Variants in OPA1 observed in about 807,000 individuals in gnomAD.
The protein encoded by OPA1 is OPA1 mitochondrial dynamin like GTPase.
Under a neutral mutation model 152.9 loss-of-function variants are expected in OPA1, and 59 were observed. That is an observed-to-expected ratio of 0.39 (90% CI 0.31 to 0.48). The LOEUF is 0.48. Ranked by LOEUF, OPA1 falls within the 20% of genes least tolerant of loss-of-function variation. The pLI, the probability that OPA1 is intolerant of heterozygous loss-of-function variation, is 0.96. For missense variants in OPA1, 1,008 were observed against 1,216.8 expected, an observed-to-expected ratio of 0.83 and a Z score of 2.55; for synonymous variants, 400 against 389.9, an observed-to-expected ratio of 1.03 and a Z score of -0.31.
intron 29 of OPA1, among the ~76,000 whole-genome samples, chr3:193,676,373 T>G (rs1362183909): frequency 3.9e-5 from 6 of 152,208 alleles, no homozygotes; most frequent in African/African-American, 1.4e-4. Flanking sequence ...ATTTTTTTTA[T>G]AGTAAGGCAG....
At chr3:193,692,249 A>G (rs924859781) in intron 30 of OPA1, 117 bp downstream of exon 30, 11 of 674,484 alleles carry the variant, frequency 1.6e-5, no homozygotes, top group Non-Finnish European at 2.2e-5. Flanking sequence ...TGTAATTTCA[A>G]TGGCATGAAT....
rs376125654 is a variant in OPA1, at chr3:193,617,297, G to T, written c.556+12G>T. The T allele has an allele frequency of 1.2e-5, 18 of 1,492,724 alleles. No individual in the cohort carries two copies. The highest frequency in any genetic ancestry group is 1.7e-5 in the Non-Finnish European group (18 of 1,070,706). 92.5% of individuals were successfully genotyped at this position (1,492,724 alleles called of 1,614,324 possible). On this transcript the variant is annotated intron_variant, in intron 4 of 30. Transcript: ENST00000361510. The stretch of plus-strand genomic sequence containing the variant: ...CTTTTTTACCTCAGGTAAGGAAGAA[G>T]CTGTTTGATCTAATTTAAAAATTTA...
chr3:193,672,034 A>G (rs1450030500), intron 29 of OPA1, among the ~76,000 whole-genome samples: 2 of 152,218 alleles, frequency 1.3e-5, no homozygotes, highest in African/African-American at 4.8e-5. Flanking sequence ...TTCAGTTTCA[A>G]AGGATTTTTT....
chr3:193,648,083 C>T lies in OPA1; in HGVS notation c.1884C>T (p.Asn628=). Reference sequence around the variant, plus strand: ...CTTCTTCCTCAGCAACACGTTTTAACCTTGAAACTGAATGGAAGAATAACT... The same window carrying T: ...CTTCTTCCTCAGCAACACGTTTTAATCTTGAAACTGAATGGAAGAATAACT... ...QADSFKATRF[N]LETEWKNNYP... is the part of the protein sequence containing the mutation. The change falls in exon 20 of 31, where the codon AAC becomes AAT. Residue 628 remains asparagine (N), a synonymous_variant. Transcript: ENST00000361510. 2 of 1,613,354 alleles carry T rather than the reference C, an allele frequency of 1.2e-6. No individual in the cohort carries two copies. The highest frequency in any genetic ancestry group is 1.7e-6 in the Non-Finnish European group (2 of 1,179,352).
chr3:193,651,025 A>C (rs556774592), intron 21 of OPA1, among the ~76,000 whole-genome samples: 2 of 152,208 alleles, frequency 1.3e-5, no homozygotes, highest in Non-Finnish European at 2.9e-5. Flanking sequence ...AAGGGCCACG[A>C]GATGAGAACA....
At chr3:193,620,516 T>C (rs1219399415) in intron 6 of OPA1, among the ~76,000 whole-genome samples, 2 of 152,234 alleles carry the variant, frequency 1.3e-5, no homozygotes, top group Admixed American at 1.3e-4. Context: ...ATTTACTCTT[T>C]GCTTGTTTTG....
intron 29 of OPA1, among the ~76,000 whole-genome samples, chr3:193,673,802 G>A (rs1170178496): frequency 6.6e-6 from 1 of 152,232 alleles, no homozygotes; most frequent in African/African-American, 2.4e-5. Context: ...CCAATAAAAT[G>A]TGAAAACAGT....
In OPA1 at chr3:193,594,302, A is replaced by G. The variant is rs545765666; in HGVS notation, c.32+893A>G. On this transcript the variant is annotated intron_variant, in intron 1 of 30. Coordinates refer to ENST00000361510, the MANE Select transcript of OPA1 (RefSeq NM_130837.3). ...CGTGGTTTTCCTGAATTAACTTCTA[A>G]GCAGTTGTTTTGAATTTTTTCCAGA... is the stretch of plus-strand genomic sequence containing the variant. Among the ~76,000 whole-genome samples, 4 of 152,332 alleles carry G rather than the reference A, an allele frequency of 2.6e-5. No homozygotes were observed. In the South Asian group the frequency reaches 8.3e-4, roughly 32 times the overall value.
intron 2 of OPA1, 124 bp from the exon 3 acceptor site, chr3:193,615,550 T>C: frequency 2.8e-6 from 2 of 712,884 alleles, no homozygotes; most frequent in Non-Finnish European, 5.0e-6. Context: ...TAATTTTGTT[T>C]CTTAAAAGTT....
chr3:193,608,365 C>T (rs1727628009), intron 1 of OPA1, among the ~76,000 whole-genome samples: 1 of 152,202 alleles, frequency 6.6e-6, no homozygotes, highest in Non-Finnish European at 1.5e-5. Context: ...CCTCTACACA[C>T]TGCTTTGAAT....
Position 193,685,092 on chromosome 3 carries a change from G to C in OPA1, c.2984-6971G>C, listed in dbSNP as rs112474983. ...CAAGGCAGGTGGATCACGAGGTCAG[G>C]AGTTTGAGACCAGCCTAGCCAATAT... On this transcript the variant is annotated intron_variant, in intron 29 of 30. Coordinates refer to ENST00000361510, the MANE Select transcript of OPA1 (RefSeq NM_130837.3). 1.5e-3 allele frequency among the ~76,000 whole-genome samples: 225 copies of C among 152,122 alleles called. 1 individual carries two copies. The highest frequency in any genetic ancestry group is 0.011 in the South Asian group (55 of 4,812).
chr3:193,597,360 G>A (rs1725765662), intron 1 of OPA1, among the ~76,000 whole-genome samples: 1 of 152,212 alleles, frequency 6.6e-6, no homozygotes, highest in East Asian at 1.9e-4. Flanking sequence ...GGAAGCCTAT[G>A]GTGCCCTCCG....
chr3:193,659,607 C>T (rs1240790609), intron 25 of OPA1, 46 bp downstream of exon 25: 6 of 1,487,984 alleles, frequency 4.0e-6, no homozygotes, highest in Non-Finnish European at 5.6e-6. Context: ...TAATTTTGTT[C>T]ATTTTAATTC....
chr3:193,631,713 C>G (rs768309567), intron 8 of OPA1, 48 bp downstream of exon 8: 1 of 1,497,422 alleles, frequency 6.7e-7, no homozygotes, highest in Non-Finnish European at 9.3e-7. Flanking sequence ...AAATTATATT[C>G]GAATGTAACT....
At chr3:193,692,015 G>C (rs1482967482) in intron 29 of OPA1, 48 bp from the exon 30 acceptor site, 1 of 1,145,816 alleles carries the variant, frequency 8.7e-7, no homozygotes, top group Admixed American at 2.0e-5. Flanking sequence ...CTCCTGATTT[G>C]TGATACCTTT....
At position 193,614,894 on chromosome 3, in the gene OPA1, T is replaced by G; in HGVS notation, c.204T>G (p.Leu68=). The G allele has an allele frequency of 6.2e-7, 1 of 1,614,016 alleles. No homozygotes were observed. The highest frequency in any genetic ancestry group is 8.5e-7 in the Non-Finnish European group (1 of 1,179,940). Reference sequence around the variant, plus strand: ...AGCAGTTCTCTTCTCTGACAAACCTTCCTTTACGTAAACTGAAATTCTCTC... The same window carrying G: ...AGCAGTTCTCTTCTCTGACAAACCTGCCTTTACGTAAACTGAAATTCTCTC... ...SFQQFSSLTN[L]PLRKLKFSPI... is the part of the protein sequence containing the mutation. Residue 68 remains leucine (L), a synonymous_variant, in exon 2 of 31, where the codon CTT becomes CTG. Coordinates refer to ENST00000361510, the MANE Select transcript of OPA1 (RefSeq NM_130837.3).
chr3:193,612,838 A>G (rs1004222093), intron 1 of OPA1, among the ~76,000 whole-genome samples: 1 of 152,180 alleles, frequency 6.6e-6, no homozygotes, highest in Non-Finnish European at 1.5e-5. Context: ...ATCCAATTTG[A>G]TCTTGGATCC....
chr3:193,677,024 A>G (rs1719249261), intron 29 of OPA1, among the ~76,000 whole-genome samples: 1 of 151,192 alleles, frequency 6.6e-6, no homozygotes, highest in African/African-American at 2.4e-5. Flanking sequence ...GAAGAATATC[A>G]ATAAATTAGT....
chr3:193,618,255 G>A (rs913900178), intron 5 of OPA1, among the ~76,000 whole-genome samples: 1 of 152,036 alleles, frequency 6.6e-6, no homozygotes, highest in African/African-American at 2.4e-5. Flanking sequence ...AAGGCAGGCG[G>A]ATCATGAGGT....
Sources: allele counts gnomAD v4.1 joint callset (sites outside exome capture counted in the v4.1 genomes callset), GRCh38; gene constraint gnomAD v4.1.1; transcripts MANE v1.5; gene names NCBI Gene and HGNC (gene_info 2026-07-23, HGNC 2026-07-21).